CELSR1: variants seen among roughly 807,000 people sequenced by gnomAD.
CELSR1 encodes cadherin EGF LAG seven-pass G-type receptor 1.
In CELSR1, 110 loss-of-function variants were observed where a neutral mutation model predicts 249.1. The ratio of observed to expected loss-of-function variants is 0.44; its 90% CI spans 0.38 to 0.52. The LOEUF is 0.52. CELSR1 is among the 20% of genes least tolerant of loss of function. CELSR1 has a pLI of 0.00. For missense variants in CELSR1, 4,109 were observed against 4,296.4 expected (o/e 0.96, Z 1.22); for synonymous variants, 2,113 against 1,900.0 (o/e 1.11, Z -2.92).
rs762914572 is a variant in CELSR1 at position 46,366,971 on chromosome 22, C to T, written c.8205+22G>A. On this transcript the variant is annotated intron_variant, in intron 29 of 34. Coordinates refer to ENST00000674500, the MANE Select transcript of CELSR1 (RefSeq NM_001378328.1). ...AGATGCCGCCCAGCCCCCAGTCCCG[C>T]GGTGTCCCCGGCGCCTCCTACCGTC... is the stretch of plus-strand genomic sequence containing the variant. The T allele has an allele frequency of 5.0e-6, 8 of 1,602,970 alleles. No homozygotes were observed. In the East Asian group the frequency reaches 6.7e-5, roughly 13 times the overall value.
In CELSR1 at chr22:46,406,268, G is replaced by A. The variant is rs1602090201; in HGVS notation, c.5226+2728C>T. Among the ~76,000 whole-genome samples, 1 of 152,252 alleles carries A rather than the reference G, an allele frequency of 6.6e-6. No individual in the cohort carries two copies. Among genetic ancestry groups the A allele is most frequent in the Non-Finnish European group, 1.5e-5 (1 of 68,044 alleles). On this transcript the variant is annotated intron_variant, in intron 9 of 34. Transcript: ENST00000674500. This position sits in a 1 kb window ranked among gnomAD's most constrained non-coding sequence, Gnocchi z 5.4. ...CACCGCACTTGCCAAGTTTTGGCCT[G>A]GAGCAAGCTTCTGGGGCTGCCTGGG...
At chr22:46,449,140 C>G (rs576443985) in intron 2 of CELSR1, among the ~76,000 whole-genome samples, 1 of 142,490 alleles carries the variant, frequency 7.0e-6, no homozygotes. Flanking sequence ...CAGCTTCCAT[C>G]CACTCACCCA....
chr22:46,383,771 T>A (rs1173415719), intron 20 of CELSR1, among the ~76,000 whole-genome samples: 1 of 152,120 alleles, frequency 6.6e-6, no homozygotes, highest in Non-Finnish European at 1.5e-5. Flanking sequence ...GCTCAAGCAA[T>A]CCTCCCTGTG....
intron 1 of CELSR1, among the ~76,000 whole-genome samples, chr22:46,520,413 G>A (rs1019474486): frequency 1.4e-5 from 1 of 72,396 alleles, no homozygotes; most frequent in African/African-American, 3.2e-5. Context: ...AGTCCTTCTA[G>A]CATTTTTTTC....
intron 1 of CELSR1, among the ~76,000 whole-genome samples, chr22:46,493,817 T>C (rs1602209404): frequency 6.6e-6 from 1 of 152,126 alleles, no homozygotes; most frequent in Non-Finnish European, 1.5e-5. Flanking sequence ...TGATCCTCCT[T>C]TGCTTTCCAC....
At chr22:46,519,446 G>T (rs1445093396) in intron 1 of CELSR1, among the ~76,000 whole-genome samples, 1 of 152,230 alleles carries the variant, frequency 6.6e-6, no homozygotes, top group Admixed American at 6.5e-5. Context: ...GGCCAGCACT[G>T]GGCCACACAG....
intron 5 of CELSR1, among the ~76,000 whole-genome samples, chr22:46,421,236 C>T (rs978561399): frequency 6.6e-6 from 1 of 152,064 alleles, no homozygotes; most frequent in Non-Finnish European, 1.5e-5. Context: ...AGGCCAGGAG[C>T]CCAGAGAGGG....
At chr22:46,414,118 G>A (rs183059082) in intron 5 of CELSR1, among the ~76,000 whole-genome samples, 12 of 152,258 alleles carry the variant, frequency 7.9e-5, no homozygotes, top group Admixed American at 5.9e-4. Flanking sequence ...CTTGTTTTTC[G>A]AGTGGCACTG....
In CELSR1 at chr22:46,427,501, G is replaced by T. The variant is rs902337418; in HGVS notation, c.4611+5892C>A. ...GCAGTGAGCCAAGACAGCAACAAAG[G>T]CGCCTGGGCGACAGAGCGGGACTCC... is the stretch of plus-strand genomic sequence containing the variant. On this transcript the variant is annotated intron_variant, in intron 5 of 34. Coordinates refer to ENST00000674500, the MANE Select transcript of CELSR1 (RefSeq NM_001378328.1). This position sits in a 1 kb window ranked among gnomAD's most constrained non-coding sequence, Gnocchi z 4.2. Among the ~76,000 whole-genome samples the T allele has an allele frequency of 3.3e-5, 5 of 152,148 alleles. No individual in the cohort carries two copies. The highest frequency in any genetic ancestry group is 9.7e-5 in the African/African-American group (4 of 41,416).
intron 1 of CELSR1, among the ~76,000 whole-genome samples, chr22:46,514,461 A>G (rs1169065611): frequency 6.6e-6 from 1 of 152,166 alleles, no homozygotes; most frequent in Non-Finnish European, 1.5e-5. Flanking sequence ...CGGGGGCCCA[A>G]GGCCACACAC....
rs576512903 is a variant in CELSR1, at chr22:46,363,187, C to CCTGATGGTTCAAATTGAAGTTTCATTA, written c.*9_*35dup. 16 of 1,613,356 alleles carry CCTGATGGTTCAAATTGAAGTTTCATTA rather than the reference C, an allele frequency of 9.9e-6. No individual in the cohort carries two copies. Among genetic ancestry groups the CCTGATGGTTCAAATTGAAGTTTCATTA allele is most frequent in the South Asian group, 8.8e-5 (8 of 91,078 alleles). ...GGGTGACGGGCTTGCCTCACGGTTT[C>CCTGATGGTTCAAATTGAAGTTTCATTA]CTGATGGTTCAAATTGAAGTTTCAT... On this transcript the variant is annotated 3_prime_UTR_variant, in exon 35 of 35. Transcript: ENST00000674500. This position sits in a 1 kb window ranked among gnomAD's most constrained non-coding sequence, Gnocchi z 4.3.
chr22:46,460,561 C>A (rs931256548), intron 2 of CELSR1, among the ~76,000 whole-genome samples: 1 of 152,168 alleles, frequency 6.6e-6, no homozygotes, highest in Non-Finnish European at 1.5e-5. Flanking sequence ...ACAACAAACA[C>A]AACTACGATG....
chr22:46,535,951 C>T lies in CELSR1; in HGVS notation c.1220G>A (p.Gly407Asp), dbSNP rs577593165. 3.7e-6 allele frequency: 6 copies of T among 1,610,124 alleles called. No homozygotes were observed. The highest frequency in any genetic ancestry group is 5.1e-6 in the Non-Finnish European group (6 of 1,179,882). Residue 407 changes from glycine to aspartate, a missense_variant, in exon 1 of 35, where the codon GGC becomes GAC. This residue lies in a region of CELSR1 where 673 missense variants were observed against 636.8 expected (regional missense o/e 1.06). Transcript: ENST00000674500. ...CAGCACCGCCCGTGTGCTCACCACG[C>T]CAGAGCTCTCGTTGAGCTGGAAGAC... ...WDVFQLNESS[G>D]VVSTRAVLDR...
At chr22:46,370,741 C>CA (rs2078842704) in intron 25 of CELSR1, among the ~76,000 whole-genome samples, 1 of 152,202 alleles carries the variant, frequency 6.6e-6, no homozygotes, top group African/African-American at 2.4e-5. Flanking sequence ...CTGGAGGAGC[C>CA]AGTTAACCAG....
chr22:46,377,120 C>A lies in CELSR1; in HGVS notation c.7525G>T (p.Val2509Leu). 1 of 1,613,602 alleles carries A rather than the reference C, an allele frequency of 6.2e-7. No homozygotes were observed. Among genetic ancestry groups the A allele is most frequent in the Non-Finnish European group, 8.5e-7 (1 of 1,179,888 alleles). ...ACCAGCTGAGAGAGGAAGAGCGCCA[C>A]GGCGAGGTGCTTGTGAATGCTGTGC... ...NLHSIHKHLA[V>L]ALFLSQLVFV... Residue 2509 changes from valine (V) to leucine (L), a missense_variant, in exon 24 of 35, where the codon GTG becomes TTG. By Grantham distance (32) the Val-to-Leu change is conservative (BLOSUM62 1). Transcript: ENST00000674500.
In CELSR1 at chr22:46,506,918, G is replaced by C. The variant is rs140094534; in HGVS notation, c.3544+26709C>G. Among the ~76,000 whole-genome samples, 3,362 of 152,164 alleles carry C rather than the reference G, an allele frequency of 0.022. 130 individuals are homozygous for C. The highest frequency in any genetic ancestry group is 0.078 in the African/African-American group (3,229 of 41,510). On this transcript the variant is annotated intron_variant, in intron 1 of 34. Transcript: ENST00000674500. The surrounding 1 kb of genome is among the most constrained non-coding windows in gnomAD (Gnocchi z 4.1). ...CAACACATAAAAACCGATTCCAGGC[G>C]GGGCGTGGTGGCTCACGTTTGTAAT...
chr22:46,370,269 G>C, intron 25 of CELSR1: 1 of 395,190 alleles, frequency 2.5e-6, no homozygotes, highest in South Asian at 1.8e-5. Flanking sequence ...GGTGAGGAAC[G>C]CATATACCCC....
At chr22:46,481,400 C>A in intron 1 of CELSR1, 1 of 1,230,760 alleles carries the variant, frequency 8.1e-7, no homozygotes, top group Non-Finnish European at 1.2e-6. Flanking sequence ...TGGTCATCCA[C>A]ACACTTGGTC....
rs1015512888 is a variant in CELSR1, at chr22:46,488,728, C to T, written c.3545-24383G>A. Among the ~76,000 whole-genome samples the T allele has an allele frequency of 4.0e-5, 6 of 151,010 alleles. No individual in the cohort carries two copies. The highest frequency in any genetic ancestry group is 7.4e-5 in the Non-Finnish European group (5 of 67,848). ...AGGCTGGAGTTCAGTGGCGTGATCT[C>T]GGCTCACTGCAAGCTCCACCTCCCA... On this transcript the variant is annotated intron_variant, in intron 1 of 34. Coordinates refer to ENST00000674500, the MANE Select transcript of CELSR1 (RefSeq NM_001378328.1). This position sits in a 1 kb window ranked among gnomAD's most constrained non-coding sequence, Gnocchi z 4.7.
Sources: allele counts gnomAD v4.1 joint callset (sites outside exome capture counted in the v4.1 genomes callset), GRCh38; gene constraint gnomAD v4.1.1; regional missense constraint gnomAD v4.1.1; non-coding constraint Gnocchi (gnomAD v3.1); transcripts MANE v1.5; gene names NCBI Gene and HGNC (gene_info 2026-07-23, HGNC 2026-07-21).